The following MADD variants were observed in gnomAD, a reference collection of about 807,000 sequenced individuals.
MADD encodes the protein MAP kinase activating death domain, also known as MAP kinase-activating death domain protein.
MADD carries 109 observed loss-of-function variants against 176.7 expected under a neutral mutation model. The ratio of observed to expected loss-of-function variants is 0.62; its 90% confidence interval spans 0.53 to 0.72. The LOEUF is 0.72. Among genes scored for constraint, MADD ranks in the 30% least tolerant of loss-of-function variants. The pLI, the probability that MADD is intolerant of heterozygous loss-of-function variation, is 0.00. For missense variants in MADD, 1,914 were observed against 2,045.5 expected, an observed-to-expected ratio of 0.94 and a Z score of 1.24; for synonymous variants, 771 against 771.3, an observed-to-expected ratio of 1.00 and a Z score of 0.01.
rs566077027 is a variant in MADD at position 47,288,746 on chromosome 11, C to A, written c.2654-645C>A. On this transcript the variant is annotated intron_variant, in intron 15 of 32. Transcript: ENST00000402192. ...CTGAAGGCTCCCTGTGTCATTTACC[C>A]GCCCCTGGCTTGAGAGGCCAGTTTT... Among the ~76,000 whole-genome samples the A allele has an allele frequency of 7.9e-5, 12 of 152,262 alleles. No homozygotes were observed. In the South Asian group the frequency reaches 1.5e-3, roughly 18 times the overall value.
chr11:47,320,369 T>C (rs1220440669), intron 27 of MADD, among the ~76,000 whole-genome samples: 1 of 151,972 alleles, frequency 6.6e-6, no homozygotes, highest in Non-Finnish European at 1.5e-5. Context: ...GGCAGAGAAT[T>C]GTTTGAACCT....
At chr11:47,281,927 C>T (rs1184033822) in intron 8 of MADD, among the ~76,000 whole-genome samples, 174 bp downstream of exon 8, 7 of 141,948 alleles carry the variant, frequency 4.9e-5, no homozygotes, top group Admixed American at 7.4e-5. Context: ...TTCCACCTCC[C>T]GGGTTCAAGT....
chr11:47,307,948 C>T (rs1050241918), intron 22 of MADD, among the ~76,000 whole-genome samples: 3 of 152,274 alleles, frequency 2.0e-5, no homozygotes, highest in East Asian at 1.9e-4. Flanking sequence ...GGATTACAGG[C>T]GTGAGCCACT....
At chr11:47,282,218 C>T (rs2057454620) in intron 8 of MADD, among the ~76,000 whole-genome samples, 163 bp from the exon 9 acceptor site, 1 of 152,056 alleles carries the variant, frequency 6.6e-6, no homozygotes, top group South Asian at 2.1e-4. Context: ...AAATAGTAAA[C>T]CACGTGCTCA....
At chr11:47,289,477 C>G (rs1370719911) in exon 16 of MADD, 3 of 1,613,944 alleles carry the variant, frequency 1.9e-6, no homozygotes, top group African/African-American at 1.3e-5. Context: ...ACCCCAGGGT[C>G]GATCCAGCAA....
chr11:47,314,607 T>TA (rs747049090), intron 26 of MADD, among the ~76,000 whole-genome samples: 37 of 151,012 alleles, frequency 2.5e-4, no homozygotes, highest in African/African-American at 6.6e-4. Context: ...ACCTTGTCTC[T>TA]AAAAAAAAAG....
chr11:47,309,295 A>G, exon 24 of MADD: 1 of 1,614,190 alleles, frequency 6.2e-7, no homozygotes, highest in Non-Finnish European at 8.5e-7. Flanking sequence ...AGAGCGTTCT[A>G]CTTTATGGGA....
rs966880154 is a variant in MADD, at chr11:47,288,439, G to A, written c.2654-952G>A. ...ACTGCCAGGGAATCCACATGTGGCC[G>A]GGTAGGCTAAGGATGGAAGGGTGTC... On this transcript the variant is annotated intron_variant, in intron 15 of 32. Transcript: ENST00000402192. Among the ~76,000 whole-genome samples the A allele has an allele frequency of 7.2e-5, 11 of 152,208 alleles. No homozygotes were observed. The East Asian group carries it at 9.6e-4, about 13-fold the overall frequency.
rs1409603194 is a variant in MADD at position 47,282,477 on chromosome 11, T to G, written c.1566T>G (p.Ala522=). The G allele has an allele frequency of 2.5e-6, 4 of 1,614,096 alleles. No individual in the cohort carries two copies. The African/African-American group carries it at 5.3e-5, about 22-fold the overall frequency. Reference sequence around the variant, plus strand: ...GCCTCTTTCCTCGGCCTGTGGTAGCTTTTCAAGCTGGCTCCTTTCTAGCCT... The same window carrying G: ...GCCTCTTTCCTCGGCCTGTGGTAGCGTTTCAAGCTGGCTCCTTTCTAGCCT... Residue 522 remains alanine (A), a synonymous_variant, in exon 9 of 33, where the codon GCT becomes GCG. Transcript: ENST00000402192.
chr11:47,295,009 G>GT (rs2069668661), intron 20 of MADD, among the ~76,000 whole-genome samples: 2 of 123,458 alleles, frequency 1.6e-5, no homozygotes, highest in African/African-American at 3.4e-5. Flanking sequence ...ATTGTTTTTT[G>GT]TTTTTTTGTT....
chr11:47,320,402 C>T (rs2094237833), intron 27 of MADD, among the ~76,000 whole-genome samples: 1 of 151,866 alleles, frequency 6.6e-6, no homozygotes, highest in Non-Finnish European at 1.5e-5. Flanking sequence ...TTGCAGTGAG[C>T]CGAGATTGCA....
chr11:47,282,668 A>G (rs1348598942), intron 9 of MADD, 52 bp downstream of exon 9: 1 of 1,595,362 alleles, frequency 6.3e-7, no homozygotes, highest in Admixed American at 1.7e-5. Context: ...TGTCCTCCTG[A>G]TGGACTTTGA....
intron 26 of MADD, among the ~76,000 whole-genome samples, chr11:47,313,038 C>T (rs1318057414): frequency 3.9e-5 from 6 of 152,202 alleles, no homozygotes; most frequent in African/African-American, 1.4e-4. Context: ...GAGTACCCAA[C>T]TGGCAGACAT....
exon 24 of MADD, chr11:47,309,391 A>G: frequency 6.2e-7 from 1 of 1,614,178 alleles, no homozygotes; most frequent in East Asian, 2.2e-5. Flanking sequence ...TCCCCAGGAA[A>G]TGATCGACAG....
At chr11:47,276,097 C>T (rs780187390) in exon 4 of MADD, 2 of 1,614,098 alleles carry the variant, frequency 1.2e-6, no homozygotes, top group African/African-American at 1.3e-5. Context: ...CTCTTCCAGA[C>T]CCATCTCGAT....
chr11:47,328,946 A>G, intron 32 of MADD, 100 bp from the exon 37 acceptor site: 1 of 1,093,302 alleles, frequency 9.1e-7, no homozygotes. Flanking sequence ...CCAGAGGCCC[A>G]TGCCCAGTGT....
intron 16 of MADD, 59 bp from the exon 18 acceptor site, chr11:47,289,808 G>C: frequency 6.3e-7 from 1 of 1,581,724 alleles, no homozygotes; most frequent in Middle Eastern, 2.2e-4. Flanking sequence ...CTGGGTGAAA[G>C]GTGGGGGGTG....
At chr11:47,313,309 TC>T (rs1345354693) in intron 26 of MADD, among the ~76,000 whole-genome samples, 1 of 152,094 alleles carries the variant, frequency 6.6e-6, no homozygotes, top group African/African-American at 2.4e-5. Flanking sequence ...CTATTTTCTT[TC>T]TTTTTTTTTT....
chr11:47,290,850 T>C (rs767104498), intron 19 of MADD, 34 bp downstream of exon 20: 9 of 1,522,728 alleles, frequency 5.9e-6, no homozygotes, highest in South Asian at 3.4e-5. Context: ...GGTGGAGGGG[T>C]CCTGGCTTCT....
Sources: allele counts gnomAD v4.1 joint callset (sites outside exome capture counted in the v4.1 genomes callset), GRCh38; gene constraint gnomAD v4.1.1; transcripts MANE v1.5; gene names NCBI Gene and HGNC (gene_info 2026-07-23, HGNC 2026-07-21).